BRINP3: variants seen among roughly 807,000 people sequenced by gnomAD.
The protein encoded by BRINP3 is BMP/retinoic acid inducible neural specific 3.
Under a neutral mutation model 71.0 loss-of-function variants are expected in BRINP3, and 19 were observed. That is an observed-to-expected ratio of 0.27 (90% CI 0.19 to 0.39). BRINP3 has a LOEUF of 0.39. Ranked by LOEUF, BRINP3 falls within the 10% of genes least tolerant of loss-of-function variation. The pLI, the probability that BRINP3 is intolerant of heterozygous loss-of-function variation, is 1.00. For missense variants in BRINP3, 959 were observed against 940.8 expected (o/e 1.02, Z -0.25); for synonymous variants, 380 against 337.7 (o/e 1.13, Z -1.37).
intron 2 of BRINP3, among the ~76,000 whole-genome samples, chr1:190,325,212 TC>T (rs1231195286): frequency 1.3e-5 from 2 of 151,888 alleles, no homozygotes; most frequent in Non-Finnish European, 2.9e-5. Context: ...GATTAATTGC[TC>T]CAGACAGTAA....
rs1352102563 is a variant in BRINP3 at position 190,389,422 on chromosome 1, T to C, written c.236+65233A>G. ...CAAAAGAATACTTTCCTACTTCCAA[T>C]AATAGATTGTGATAAAACAAAATCA... On this transcript the variant is annotated intron_variant, in intron 2 of 7. Coordinates refer to ENST00000367462, the MANE Select transcript of BRINP3 (RefSeq NM_199051.3). Among the ~76,000 whole-genome samples the C allele has an allele frequency of 2.0e-5, 3 of 151,818 alleles. No individual in the cohort carries two copies. The East Asian group carries it at 5.8e-4, about 29-fold the overall frequency.
At chr1:190,360,242 C>G (rs1399535223) in intron 2 of BRINP3, among the ~76,000 whole-genome samples, 3 of 152,120 alleles carry the variant, frequency 2.0e-5, no homozygotes, top group Non-Finnish European at 4.4e-5. Context: ...TTATTTAAAC[C>G]ACTAATGTTC....
chr1:190,126,331 C>T (rs1654085245), intron 7 of BRINP3, among the ~76,000 whole-genome samples: 1 of 151,870 alleles, frequency 6.6e-6, no homozygotes, highest in South Asian at 2.1e-4. Flanking sequence ...CCCATATGTT[C>T]ACCTTGAATT....
At chr1:190,383,869 T>C (rs1463078221) in intron 2 of BRINP3, among the ~76,000 whole-genome samples, 1 of 152,020 alleles carries the variant, frequency 6.6e-6, no homozygotes, top group Admixed American at 6.6e-5. Context: ...ATGTTATTGA[T>C]TATTAAGTGC....
At chr1:190,164,667 T>C (rs1558025532) in intron 6 of BRINP3, among the ~76,000 whole-genome samples, 1 of 152,146 alleles carries the variant, frequency 6.6e-6, no homozygotes, top group Non-Finnish European at 1.5e-5. Context: ...CATAGCTCAT[T>C]GTAACCTTGA....
At chr1:190,411,501 TTTG>T in intron 2 of BRINP3, among the ~76,000 whole-genome samples, 1 of 152,284 alleles carries the variant, frequency 6.6e-6, no homozygotes, top group African/African-American at 2.4e-5. Flanking sequence ...CTCTGTAAAC[TTTG>T]TGTGAACAGT....
intron 2 of BRINP3, among the ~76,000 whole-genome samples, chr1:190,286,962 T>C (rs1363014999): frequency 6.6e-6 from 1 of 152,012 alleles, no homozygotes; most frequent in East Asian, 1.9e-4. Flanking sequence ...CTCATGCCTG[T>C]AATCCAAGCA....
At chr1:190,257,337 C>T (rs543502924) in intron 4 of BRINP3, among the ~76,000 whole-genome samples, 44 of 152,248 alleles carry the variant, frequency 2.9e-4, no homozygotes, top group Admixed American at 2.2e-3. Flanking sequence ...TCAGCTCCAT[C>T]GGGTCATTTA....
chr1:190,286,216 CTATG>C (rs1663415863), intron 2 of BRINP3, among the ~76,000 whole-genome samples: 1 of 152,112 alleles, frequency 6.6e-6, no homozygotes, highest in Non-Finnish European at 1.5e-5. Flanking sequence ...CAATCATCTA[CTATG>C]TATGTCCATA....
chr1:190,382,020 T>C (rs945677737), intron 2 of BRINP3, among the ~76,000 whole-genome samples: 4 of 152,180 alleles, frequency 2.6e-5, no homozygotes, highest in Non-Finnish European at 5.9e-5. Context: ...ATACACATAT[T>C]GCATACGACC....
Position 190,229,730 on chromosome 1 carries a change from C to T in BRINP3, c.725-3412G>A, listed in dbSNP as rs185538723. On this transcript the variant is annotated intron_variant, in intron 5 of 7. Transcript: ENST00000367462. ...TTTCACCAGATCTGAAGTATAGTTC[C>T]AACTGGCATATTTCAAAATTAATTA... Among the ~76,000 whole-genome samples, 6 of 149,292 alleles carry T rather than the reference C, an allele frequency of 4.0e-5. No homozygotes were observed. The East Asian group carries it at 1.0e-3, about 25-fold the overall frequency.
intron 1 of BRINP3, among the ~76,000 whole-genome samples, chr1:190,471,121 G>A (rs1021275497): frequency 1.3e-5 from 2 of 151,104 alleles, no homozygotes; most frequent in East Asian, 3.9e-4. Flanking sequence ...TGAAAAGATA[G>A]GGGCAGAAAC....
intron 7 of BRINP3, among the ~76,000 whole-genome samples, chr1:190,125,932 C>T (rs776783364): frequency 2.8e-4 from 42 of 151,952 alleles, no homozygotes; most frequent in Admixed American, 1.4e-3. Context: ...AGTAGTCACA[C>T]AGAACCACAG....
Position 190,138,365 on chromosome 1 carries a change from T to C in BRINP3, c.1184+22303A>G, listed in dbSNP as rs150695465. ...ACTGCTAAACATGAGTTACACATGA[T>C]TTGAGGTGAAGTTATTGCATAAGTT... On this transcript the variant is annotated intron_variant, in intron 7 of 7. Coordinates refer to ENST00000367462, the MANE Select transcript of BRINP3 (RefSeq NM_199051.3). 2.6e-5 allele frequency among the ~76,000 whole-genome samples: 4 copies of C among 152,272 alleles called. No individual in the cohort carries two copies. The East Asian group carries it at 7.7e-4, about 29-fold the overall frequency.
chr1:190,281,409 T>C (rs1663027925), intron 3 of BRINP3, 151 bp downstream of exon 3: 1 of 728,538 alleles, frequency 1.4e-6, no homozygotes, highest in Non-Finnish European at 2.2e-6. Context: ...GTGGGACATT[T>C]AATAATCACT....
intron 2 of BRINP3, among the ~76,000 whole-genome samples, chr1:190,289,755 T>C (rs1312165962): frequency 6.6e-6 from 1 of 151,976 alleles, no homozygotes; most frequent in Non-Finnish European, 1.5e-5. Context: ...TCATATGAAC[T>C]TCAAAGACAC....
At chr1:190,152,163 A>C (rs1656450185) in intron 7 of BRINP3, among the ~76,000 whole-genome samples, 1 of 152,046 alleles carries the variant, frequency 6.6e-6, no homozygotes, top group South Asian at 2.1e-4. Context: ...ATCTTAGATA[A>C]ATTTATTATT....
At chr1:190,186,798 G>A (rs936873189) in intron 6 of BRINP3, among the ~76,000 whole-genome samples, 2 of 151,912 alleles carry the variant, frequency 1.3e-5, no homozygotes, top group African/African-American at 4.8e-5. Flanking sequence ...TTGGTAAAGT[G>A]GTATGGTAAA....
At chr1:190,156,138 C>A (rs1262439731) in intron 7 of BRINP3, among the ~76,000 whole-genome samples, 5 of 151,862 alleles carry the variant, frequency 3.3e-5, no homozygotes, top group Non-Finnish European at 7.4e-5. Flanking sequence ...TTCCTCAGAG[C>A]AAAAATGGTG....
Sources: allele counts gnomAD v4.1 joint callset (sites outside exome capture counted in the v4.1 genomes callset), GRCh38; gene constraint gnomAD v4.1.1; transcripts MANE v1.5; gene names NCBI Gene and HGNC (gene_info 2026-07-23, HGNC 2026-07-21).